Variants in PRUNE2 observed in about 807,000 individuals in gnomAD.
PRUNE2 encodes protein prune homolog 2.
In PRUNE2, 164 loss-of-function variants were observed where a neutral mutation model predicts 252.0. The ratio of observed to expected loss-of-function variants is 0.65; its 90% CI spans 0.57 to 0.74. PRUNE2 has a LOEUF of 0.74. Among genes scored for constraint, PRUNE2 ranks in the 30% least tolerant of loss-of-function variants. The pLI is 0.00. For missense variants in PRUNE2, 3,495 were observed against 3,711.0 expected (o/e 0.94, Z 1.51); for synonymous variants, 1,292 against 1,350.2 (o/e 0.96, Z 0.94).
intron 11 of PRUNE2, among the ~76,000 whole-genome samples, chr9:76,651,764 C>T (rs1847489832): frequency 6.6e-6 from 1 of 152,130 alleles, no homozygotes. Context: ...TCTCTCACTC[C>T]CCCTAAACCA....
At chr9:76,829,396 T>C (rs1241421116) in intron 4 of PRUNE2, among the ~76,000 whole-genome samples, 2 of 152,212 alleles carry the variant, frequency 1.3e-5, no homozygotes, top group Non-Finnish European at 2.9e-5. Context: ...AAAGGAGTTT[T>C]AGTTAAGTAA....
intron 4 of PRUNE2, among the ~76,000 whole-genome samples, chr9:76,831,389 A>G (rs1472478848): frequency 6.6e-6 from 1 of 152,224 alleles, no homozygotes. Context: ...AAAACATTGG[A>G]CAATGTAAAT....
intron 9 of PRUNE2, among the ~76,000 whole-genome samples, chr9:76,674,003 GA>G (rs1312604459): frequency 6.6e-6 from 1 of 152,180 alleles, no homozygotes; most frequent in African/African-American, 2.4e-5. Flanking sequence ...ACAAGACAGG[GA>G]TGCCCTCTCT....
At chr9:76,665,069 G>A (rs1389479114) in intron 9 of PRUNE2, among the ~76,000 whole-genome samples, 4 of 151,876 alleles carry the variant, frequency 2.6e-5, no homozygotes, top group Non-Finnish European at 5.9e-5. Context: ...TTCTGTTTAC[G>A]ATCGTCATCC....
intron 6 of PRUNE2, among the ~76,000 whole-genome samples, chr9:76,729,939 A>G (rs1001454638): frequency 6.6e-6 from 1 of 152,150 alleles, no homozygotes; most frequent in African/African-American, 2.4e-5. Context: ...AAGTCTGCCA[A>G]TTTTTTATAG....
chr9:76,796,128 TC>T (rs2056074807), intron 6 of PRUNE2, among the ~76,000 whole-genome samples: 1 of 152,228 alleles, frequency 6.6e-6, no homozygotes, highest in Non-Finnish European at 1.5e-5. Context: ...AGATATATGA[TC>T]ACTCATAAAA....
intron 1 of PRUNE2, among the ~76,000 whole-genome samples, chr9:76,900,539 T>G (rs1260674272): frequency 6.6e-6 from 1 of 152,148 alleles, no homozygotes; most frequent in Admixed American, 6.5e-5. Context: ...CTGTGCAGGT[T>G]GTGTACTATA....
intron 6 of PRUNE2, among the ~76,000 whole-genome samples, chr9:76,733,956 G>A (rs1208992196): frequency 1.3e-5 from 2 of 150,604 alleles, no homozygotes; most frequent in South Asian, 2.1e-4. Flanking sequence ...GATGGATAAC[G>A]TTAATGATTT....
chr9:76,823,832 C>G lies in PRUNE2; in HGVS notation c.662-106G>C. 3 of 681,754 alleles carry G rather than the reference C, an allele frequency of 4.4e-6. No homozygotes were observed. The East Asian group carries it at 7.6e-5, about 17-fold the overall frequency. The allele number at this position is 681,754 out of a possible 1,614,324, so 42.2% of individuals were successfully genotyped here. ...TTTACTCTGTAAATTTCATTCTTTG[C>G]CCCTCAAATGTCACTTTTATCCACA... On this transcript the variant is annotated intron_variant, in intron 5 of 18. Coordinates refer to ENST00000376718, the MANE Select transcript of PRUNE2 (RefSeq NM_015225.3).
intron 1 of PRUNE2, among the ~76,000 whole-genome samples, chr9:76,881,828 G>A (rs990273883): frequency 2.0e-5 from 3 of 151,714 alleles, no homozygotes; most frequent in Admixed American, 1.3e-4. Flanking sequence ...TCACTACATC[G>A]GCCAGGCTGG....
intron 1 of PRUNE2, among the ~76,000 whole-genome samples, chr9:76,894,597 A>G (rs1286133655): frequency 6.6e-6 from 1 of 152,114 alleles, no homozygotes; most frequent in Non-Finnish European, 1.5e-5. Context: ...TGTCTGAGGA[A>G]TGTAAAGAGG....
intron 6 of PRUNE2, among the ~76,000 whole-genome samples, chr9:76,818,123 C>A (rs151280035): frequency 4.6e-5 from 7 of 152,200 alleles, no homozygotes; most frequent in Non-Finnish European, 8.8e-5. Context: ...GGTTCAAGAC[C>A]AGTTCAAAAC....
At chr9:76,654,271 A>C (rs1848446722) in intron 10 of PRUNE2, among the ~76,000 whole-genome samples, 1 of 152,212 alleles carries the variant, frequency 6.6e-6, no homozygotes, top group Non-Finnish European at 1.5e-5. Flanking sequence ...CATACCCTTC[A>C]ACTCTGGAAT....
rs560352362 is a variant in PRUNE2 at position 76,835,592 on chromosome 9, C to A, written c.509-8860G>T. Among the ~76,000 whole-genome samples, 10 of 152,264 alleles carry A rather than the reference C, an allele frequency of 6.6e-5. No homozygotes were observed. The South Asian group carries it at 2.1e-3, about 32-fold the overall frequency. Reference sequence around the variant, plus strand: ...TTGAGGAATCATTTTGGTTTTATAACTAGCAGAAACAATCACTTCTTCCCC... The same window carrying A: ...TTGAGGAATCATTTTGGTTTTATAAATAGCAGAAACAATCACTTCTTCCCC... On this transcript the variant is annotated intron_variant, in intron 4 of 18. Transcript: ENST00000376718.
At chr9:76,615,975 G>A (rs1479692746) in intron 18 of PRUNE2, among the ~76,000 whole-genome samples, 2 of 151,804 alleles carry the variant, frequency 1.3e-5, no homozygotes, top group East Asian at 1.9e-4. Flanking sequence ...TCACCCTGTT[G>A]GCCAGGATGA....
At chr9:76,660,352 C>T (rs747116811) in intron 9 of PRUNE2, among the ~76,000 whole-genome samples, 5 of 152,074 alleles carry the variant, frequency 3.3e-5, no homozygotes, top group Non-Finnish European at 4.4e-5. Context: ...AAAAAGCAAC[C>T]AGTAGGAGCT....
chr9:76,880,968 T>TC (rs2133283547), intron 1 of PRUNE2, among the ~76,000 whole-genome samples: 1 of 151,342 alleles, frequency 6.6e-6, no homozygotes, highest in African/African-American at 2.4e-5. Flanking sequence ...AATTTTTTTT[T>TC]TTTTTTTTTT....
At chr9:76,885,841 T>C (rs946327448) in intron 1 of PRUNE2, among the ~76,000 whole-genome samples, 3 of 124,436 alleles carry the variant, frequency 2.4e-5, no homozygotes, top group Non-Finnish European at 5.3e-5. Context: ...TAAAATTATT[T>C]AGTGAATTTT....
At chr9:76,671,733 G>C (rs2041522256) in intron 9 of PRUNE2, among the ~76,000 whole-genome samples, 1 of 151,242 alleles carries the variant, frequency 6.6e-6, no homozygotes, top group Non-Finnish European at 1.5e-5. Flanking sequence ...CCAGAAGAGA[G>C]TGGGGGCCAA....
Sources: gnomAD v4.1 joint callset for allele counts (sites outside exome capture counted in the v4.1 genomes callset) on GRCh38, gnomAD v4.1.1 for gene constraint, MANE v1.5 for transcripts, NCBI Gene and HGNC (gene_info 2026-07-23, HGNC 2026-07-21) for gene names.